The following NKD2 variants were observed in gnomAD, a reference collection of about 807,000 sequenced individuals.
NKD2 encodes the protein NKD inhibitor of Wnt signaling pathway 2.
Under a neutral mutation model 34.8 loss-of-function variants are expected in NKD2, and 43 were observed. The observed-to-expected ratio is 1.24, with a 90% CI of 0.97 to 1.60. NKD2 has a LOEUF of 1.60. Ranked by LOEUF, NKD2 falls within the 40% of genes most tolerant of loss-of-function variation. The pLI is 0.00. For synonymous variants in NKD2, 278 were observed against 265.1 expected (o/e 1.05, Z -0.47); for missense variants, 675 against 627.1 (o/e 1.08, Z -0.82).
chr5:1,014,531 G>A (rs562416436), intron 3 of NKD2, among the ~76,000 whole-genome samples: 1 of 152,316 alleles, frequency 6.6e-6, no homozygotes, highest in South Asian at 2.1e-4. Context: ...TGGTGAGATT[G>A]GAAATGCAGT....
At chr5:1,034,669 G>A in intron 6 of NKD2, 87 bp from the exon 7 acceptor site, 1 of 1,365,474 alleles carries the variant, frequency 7.3e-7, no homozygotes, top group Non-Finnish European at 1.0e-6. Context: ...ATAGGAAGGG[G>A]CGGGGGCTGG....
rs1032509007 is a variant in NKD2 at position 1,009,653 on chromosome 5, A to C, written c.141+93A>C. 7 of 1,094,938 alleles carry C rather than the reference A, an allele frequency of 6.4e-6. No individual in the cohort carries two copies. In the African/African-American group the frequency reaches 1.2e-4, roughly 18 times the overall value. 67.8% of individuals were successfully genotyped at this position (1,094,938 alleles called of 1,614,324 possible). A position where few individuals can be genotyped will look rare whatever the true frequency, so the allele number is the denominator to read the frequency against. On this transcript the variant is annotated intron_variant, in intron 3 of 9. Coordinates refer to ENST00000296849, the MANE Select transcript of NKD2 (RefSeq NM_033120.4). The surrounding 1 kb of genome is among the most constrained non-coding windows in gnomAD (Gnocchi z 6.9). ...CTGTTCCTGGTGCCCGCCCGCGGACAGGCGAGACGTGGGCCGCCATGGCCG... is the reference window on the plus strand; with the variant it reads ...CTGTTCCTGGTGCCCGCCCGCGGACCGGCGAGACGTGGGCCGCCATGGCCG...
intron 3 of NKD2, among the ~76,000 whole-genome samples, chr5:1,021,449 G>C (rs1006463541): frequency 6.9e-6 from 1 of 145,670 alleles, no homozygotes; most frequent in Admixed American, 6.9e-5. Context: ...CAGGGCCTCA[G>C]TCTCATAGTA....
At position 1,034,294 on chromosome 5, in the gene NKD2, C is replaced by CT; in HGVS notation, c.391dup (p.Tyr131LeufsTer2). 6.2e-7 allele frequency: 1 copy of CT among 1,612,876 alleles called. No individual in the cohort carries two copies. Among genetic ancestry groups the CT allele is most frequent in the Non-Finnish European group, 8.5e-7 (1 of 1,179,886 alleles). ...ACCGCCAGGAGTGGACGTTCACGCTCTATGACTTTGACAACTGCGGGAAGG... is the reference window on the plus strand; with the variant it reads ...ACCGCCAGGAGTGGACGTTCACGCTCTTATGACTTTGACAACTGCGGGAAGG... On this transcript the variant is annotated frameshift_variant, in exon 6 of 10. Coordinates refer to ENST00000296849, the MANE Select transcript of NKD2 (RefSeq NM_033120.4). LOFTEE classifies it high-confidence loss of function.
At chr5:1,036,464 T>C in intron 9 of NKD2, 80 bp downstream of exon 9, 1 of 1,221,996 alleles carries the variant, frequency 8.2e-7, no homozygotes, top group Non-Finnish European at 1.2e-6. Flanking sequence ...CAGCCCTGAG[T>C]GCAGGGGGCC....
At position 1,038,067 on chromosome 5, in the gene NKD2, G is replaced by A. The variant is rs757440284; in HGVS notation, c.1050G>A (p.Gly350=). 5 of 1,609,234 alleles carry A rather than the reference G, an allele frequency of 3.1e-6. No homozygotes were observed. The highest frequency in any genetic ancestry group is 4.2e-6 in the Non-Finnish European group (5 of 1,179,182). ...PPGVPASSKS[G]KAFSYYLPAV... is the part of the protein sequence containing the mutation. ...GGGTGCCAGCCAGCAGCAAGTCCGG[G>A]AAAGCCTTCAGCTACTACCTGCCGG... The change falls in exon 10 of 10, where the codon GGG becomes GGA. Residue 350 remains glycine, a synonymous_variant. Coordinates refer to ENST00000296849, the MANE Select transcript of NKD2 (RefSeq NM_033120.4). The surrounding 1 kb of genome is among the most constrained non-coding windows in gnomAD (Gnocchi z 4.5).
rs200757960 is a variant in NKD2, at chr5:1,038,308, C to T, written c.1291C>T (p.His431Tyr). The T allele has an allele frequency of 5.0e-5, 77 of 1,538,548 alleles. No individual in the cohort carries two copies. The African/African-American group carries it at 9.3e-4, about 19-fold the overall frequency. The change falls in exon 10 of 10, where the codon CAC becomes TAC. Residue 431 changes from histidine to tyrosine, a missense_variant. Physicochemically the swap from His to Tyr is moderately conservative, Grantham distance 83. Transcript: ENST00000296849. This position sits in a 1 kb window ranked among gnomAD's most constrained non-coding sequence, Gnocchi z 4.5. ...EGYAVPVIQR[H>Y]EHHHHHEHHH... ...CTACGCGGTGCCAGTGATCCAGCGG[C>T]ACGAGCACCACCACCACCACGAGCA... is the stretch of plus-strand genomic sequence containing the variant.
chr5:1,033,304 T>C (rs2150747064), intron 4 of NKD2, 68 bp from the exon 5 acceptor site: 2 of 1,429,058 alleles, frequency 1.4e-6, no homozygotes, highest in Admixed American at 4.0e-5. Context: ...GCAGCGAGGG[T>C]CCCCAATGGC....
chr5:1,016,685 C>G (rs1458709694), intron 3 of NKD2, among the ~76,000 whole-genome samples: 2 of 152,202 alleles, frequency 1.3e-5, no homozygotes, highest in African/African-American at 2.4e-5. Context: ...CTGGCAGGAC[C>G]CTCCAGGGCT....
intron 9 of NKD2, chr5:1,037,457 A>C: frequency 7.2e-7 from 1 of 1,394,238 alleles, no homozygotes; most frequent in African/African-American, 1.4e-5. Context: ...GGTTTAGGGG[A>C]TGCGAATCCT....
At chr5:1,017,866 G>A (rs1176241567) in intron 3 of NKD2, among the ~76,000 whole-genome samples, 1 of 151,838 alleles carries the variant, frequency 6.6e-6, no homozygotes, top group Non-Finnish European at 1.5e-5. Context: ...CCAGGCAGGG[G>A]TACAGGGCCC....
chr5:1,015,306 G>A (rs917236674), intron 3 of NKD2, among the ~76,000 whole-genome samples: 1 of 152,240 alleles, frequency 6.6e-6, no homozygotes, highest in African/African-American at 2.4e-5. Flanking sequence ...GAGGCCAGTG[G>A]GTGGGAGTGG....
In NKD2 at chr5:1,015,998, G is replaced by A. The variant is rs554859818; in HGVS notation, c.141+6438G>A. Among the ~76,000 whole-genome samples, 42 of 152,366 alleles carry A rather than the reference G, an allele frequency of 2.8e-4. 3 individuals carry two copies. The South Asian group carries it at 7.9e-3, about 29-fold the overall frequency. ...TCATGACCGTCAGCTGTCCCTGGAG[G>A]TGCGGAAGGAGCCCTTCCTGTGGGG... is the stretch of plus-strand genomic sequence containing the variant. On this transcript the variant is annotated intron_variant, in intron 3 of 9. Transcript: ENST00000296849.
chr5:1,034,973 G>C (rs1733781309), intron 7 of NKD2, 70 bp downstream of exon 7: 7 of 1,399,880 alleles, frequency 5.0e-6, no homozygotes, highest in Non-Finnish European at 6.8e-6. Context: ...GTGTGCGCGG[G>C]ACAGGGAGGG....
chr5:1,009,692 G>T lies in NKD2; in HGVS notation c.141+132G>T, dbSNP rs1435321560. On this transcript the variant is annotated intron_variant, in intron 3 of 9. Coordinates refer to ENST00000296849, the MANE Select transcript of NKD2 (RefSeq NM_033120.4). The surrounding 1 kb of genome is among the most constrained non-coding windows in gnomAD (Gnocchi z 6.9). Reference sequence around the variant, plus strand: ...CCGCCATGGCCGCACGAGTGACCGGGGGCCAGGAGAGCCAGTCTCTCCCCA... The same window carrying T: ...CCGCCATGGCCGCACGAGTGACCGGTGGCCAGGAGAGCCAGTCTCTCCCCA... 3 of 708,408 alleles carry T rather than the reference G, an allele frequency of 4.2e-6. No homozygotes were observed. The East Asian group carries it at 1.0e-4, about 25-fold the overall frequency. The allele number at this position is 708,408 out of a possible 1,614,324, so 43.9% of individuals were successfully genotyped here.
chr5:1,009,443 C>T lies in NKD2; in HGVS notation c.62-38C>T, dbSNP rs889910028. The T allele has an allele frequency of 6.1e-6, 9 of 1,473,488 alleles. No individual in the cohort carries two copies. Among genetic ancestry groups the T allele is most frequent in the Non-Finnish European group, 8.1e-6 (9 of 1,111,950 alleles). The allele number at this position is 1,473,488 out of a possible 1,614,324, so 91.3% of individuals were successfully genotyped here. ...CTCACGGCGCGTCTCTTTCCCTCCT[C>T]GGTGCGGGTTTCCCGCGCGTCCGCC... is the stretch of plus-strand genomic sequence containing the variant. On this transcript the variant is annotated intron_variant, in intron 2 of 9. Transcript: ENST00000296849. The surrounding 1 kb of genome is among the most constrained non-coding windows in gnomAD (Gnocchi z 6.9).
rs1756724671 is a variant in NKD2, at chr5:1,033,434, G to A, written c.265G>A (p.Asp89Asn). 1 of 1,580,980 alleles carries A rather than the reference G, an allele frequency of 6.3e-7. No individual in the cohort carries two copies. The highest frequency in any genetic ancestry group is 1.2e-5 in the South Asian group (1 of 86,390). Reference protein sequence around the residue: ...EHPGQLLSADDGERAANREGP... With the variant: ...EHPGQLLSADNGERAANREGP... ...CCCGGGACAACTCCTCAGCGCAGAT[G>A]ACGGAGAGAGGGCAGCAAACCGCGA... Residue 89 changes from aspartate (D) to asparagine (N), a missense_variant, in exon 5 of 10, where the codon GAC (aspartate) becomes AAC (asparagine). Transcript: ENST00000296849.
intron 3 of NKD2, among the ~76,000 whole-genome samples, chr5:1,027,399 C>A (rs377348027): frequency 6.6e-6 from 1 of 152,204 alleles, no homozygotes; most frequent in African/African-American, 2.4e-5. Context: ...TCCACACCCA[C>A]TCCAGAGGGA....
At chr5:1,030,096 TG>T in intron 3 of NKD2, among the ~76,000 whole-genome samples, 1 of 151,514 alleles carries the variant, frequency 6.6e-6, no homozygotes, top group African/African-American at 2.4e-5. Context: ...GGAGAAGGTC[TG>T]GGCTGGAGCT....
Sources: allele counts gnomAD v4.1 joint callset (sites outside exome capture counted in the v4.1 genomes callset), GRCh38; gene constraint gnomAD v4.1.1; non-coding constraint Gnocchi (gnomAD v3.1); transcripts MANE v1.5; gene names NCBI Gene and HGNC (gene_info 2026-07-23, HGNC 2026-07-21).